Variants in KCNG3 observed in about 807,000 individuals in gnomAD.
The protein encoded by KCNG3 is potassium voltage-gated channel modifier subfamily G member 3.
In KCNG3, 15 loss-of-function variants were observed where a neutral mutation model predicts 29.0. The ratio of observed to expected loss-of-function variants is 0.52; its 90% confidence interval spans 0.35 to 0.80. The LOEUF (loss-of-function observed/expected upper bound fraction) is 0.80, where lower values mean the gene tolerates loss of function less well. Among genes scored for constraint, KCNG3 ranks in the 30% least tolerant of loss-of-function variants. The pLI, the probability that KCNG3 is intolerant of heterozygous loss-of-function variation, is 0.01. For synonymous variants in KCNG3, 322 were observed against 248.9 expected (o/e 1.29, Z -2.76); for missense variants, 512 against 605.7 (o/e 0.85, Z 1.62).
the KCNG3 span, among the ~76,000 whole-genome samples, chr2:42,392,477 G>T: frequency 2.6e-5 from 4 of 152,186 alleles, no homozygotes; most frequent in Admixed American, 2.6e-4. Context: ...CAGATTCAGG[G>T]GTGGTAGTGC....
At chr2:42,471,685 A>ATGCAGATAAATGTTTTTAAAC (rs1392905063) in intron 1 of KCNG3, among the ~76,000 whole-genome samples, 1 of 152,172 alleles carries the variant, frequency 6.6e-6, no homozygotes, top group Non-Finnish European at 1.5e-5. Context: ...TACAAACAAC[A>ATGCAGATAAATGTTTTTAAAC]TGCAGATAAA....
intron 1 of KCNG3, among the ~76,000 whole-genome samples, chr2:42,479,177 C>A (rs1329911095): frequency 6.6e-6 from 1 of 152,062 alleles, no homozygotes; most frequent in Non-Finnish European, 1.5e-5. Context: ...GCCTCCCCAG[C>A]CACCAGATTT....
intron 1 of KCNG3, among the ~76,000 whole-genome samples, chr2:42,472,379 C>T (rs1312427426): frequency 6.6e-6 from 1 of 152,104 alleles, no homozygotes; most frequent in South Asian, 2.1e-4. Context: ...ATTTCGTGTA[C>T]ATAATCATAT....
intron 1 of KCNG3, among the ~76,000 whole-genome samples, chr2:42,467,169 A>G (rs142973202): frequency 6.6e-6 from 1 of 152,350 alleles, no homozygotes; most frequent in African/African-American, 2.4e-5. Flanking sequence ...CAAAATTTTC[A>G]GTTTTAGAAT....
At chr2:42,429,207 A>G in the KCNG3 span, among the ~76,000 whole-genome samples, 1 of 152,108 alleles carries the variant, frequency 6.6e-6, no homozygotes, top group Non-Finnish European at 1.5e-5. Flanking sequence ...CTCCTTTGCA[A>G]AAATGTCCTA....
At chr2:42,417,268 G>A in the KCNG3 span, among the ~76,000 whole-genome samples, 2 of 151,992 alleles carry the variant, frequency 1.3e-5, no homozygotes, top group East Asian at 1.9e-4. Flanking sequence ...AATTTTTTTT[G>A]CATTTAAAAA....
chr2:42,475,323 CTTT>C (rs11365655), intron 1 of KCNG3, among the ~76,000 whole-genome samples: 16 of 104,692 alleles, frequency 1.5e-4, no homozygotes, highest in Admixed American at 2.1e-4. Context: ...GCCTCTGTCT[CTTT>C]TTTTTTTTTT....
At chr2:42,388,788 T>C in the KCNG3 span, 2 of 152,252 alleles carry the variant, frequency 1.3e-5, no homozygotes, top group South Asian at 2.1e-4. Flanking sequence ...ATTCAGTCTA[T>C]GGCACCCAAT....
the KCNG3 span, among the ~76,000 whole-genome samples, chr2:42,433,407 C>T: frequency 1.2e-4 from 18 of 151,958 alleles, no homozygotes; most frequent in Admixed American, 3.9e-4. Context: ...TGGGCTGAGT[C>T]GGGGAAGATC....
chr2:42,464,704 C>T (rs970993964), intron 1 of KCNG3, among the ~76,000 whole-genome samples: 1 of 152,218 alleles, frequency 6.6e-6, no homozygotes, highest in Non-Finnish European at 1.5e-5. Context: ...TGGCCAGCAT[C>T]AACCAGGCCT....
At chr2:42,438,975 A>G (rs1420432872), downstream of KCNG3, among the ~76,000 whole-genome samples, 2 of 152,200 alleles carry the variant, frequency 1.3e-5, no homozygotes, top group East Asian at 3.8e-4. Context: ...CCAAAATGGA[A>G]CTTTCCAGAA....
intron 1 of KCNG3, among the ~76,000 whole-genome samples, chr2:42,448,551 C>T (rs1050856914): frequency 2.0e-5 from 3 of 151,992 alleles, no homozygotes; most frequent in Non-Finnish European, 2.9e-5. Context: ...TATATCTGAT[C>T]GATCCATTCT....
chr2:42,467,092 C>A (rs1266408533), intron 1 of KCNG3, among the ~76,000 whole-genome samples: 1 of 151,958 alleles, frequency 6.6e-6, no homozygotes, highest in Non-Finnish European at 1.5e-5. Context: ...ATATATTAAA[C>A]CACTCCATGA....
At chr2:42,430,374 AT>A in the KCNG3 span, among the ~76,000 whole-genome samples, 8 of 144,560 alleles carry the variant, frequency 5.5e-5, no homozygotes, top group Admixed American at 1.4e-4. Flanking sequence ...AAATAAATAA[AT>A]AAATAAATAA....
the KCNG3 span, among the ~76,000 whole-genome samples, chr2:42,433,804 A>G: frequency 6.6e-6 from 1 of 152,142 alleles, no homozygotes; most frequent in Non-Finnish European, 1.5e-5. Context: ...AAAGACAGAG[A>G]AAAGGTAATT....
At chr2:42,478,460 G>A (rs535750234) in intron 1 of KCNG3, among the ~76,000 whole-genome samples, 1 of 151,978 alleles carries the variant, frequency 6.6e-6, no homozygotes, top group East Asian at 1.9e-4. Flanking sequence ...TGAACTCCTG[G>A]GCTCAAGTGA....
intron 1 of KCNG3, among the ~76,000 whole-genome samples, chr2:42,458,004 C>G (rs537439027): frequency 1.5e-4 from 23 of 152,104 alleles, no homozygotes. Context: ...TATGTACTCA[C>G]TGACTAAGTC....
chr2:42,406,111 T>C, the KCNG3 span, among the ~76,000 whole-genome samples: 15 of 152,224 alleles, frequency 9.9e-5, no homozygotes, highest in Non-Finnish European at 1.9e-4. Flanking sequence ...GTAACAACAC[T>C]GCTTTATCTG....
the KCNG3 span, among the ~76,000 whole-genome samples, chr2:42,427,981 G>A: frequency 2.0e-5 from 3 of 152,182 alleles, no homozygotes; most frequent in South Asian, 6.2e-4. Flanking sequence ...ACAAAAAGTG[G>A]AAAATAATGT....
Sources: allele counts gnomAD v4.1 joint callset (sites outside exome capture counted in the v4.1 genomes callset), GRCh38; gene constraint gnomAD v4.1.1; transcripts MANE v1.5; gene names NCBI Gene and HGNC (gene_info 2026-07-23, HGNC 2026-07-21).